RCAN1: variants seen among roughly 807,000 people sequenced by gnomAD.
RCAN1 encodes the protein calcipressin-1.
Under a neutral mutation model 22.9 loss-of-function variants are expected in RCAN1, and 11 were observed. The ratio of observed to expected loss-of-function variants is 0.48; its 90% CI spans 0.30 to 0.79. RCAN1 has a LOEUF of 0.79. Among genes scored for constraint, RCAN1 ranks in the 30% least tolerant of loss-of-function variants. The pLI, the probability that RCAN1 is intolerant of heterozygous loss-of-function variation, is 0.06. For synonymous variants in RCAN1, 136 were observed against 142.3 expected (o/e 0.96, Z 0.32); for missense variants, 291 against 337.8 (o/e 0.86, Z 1.09).
intron 1 of RCAN1, among the ~76,000 whole-genome samples, chr21:34,533,718 A>G (rs1456818198): frequency 1.3e-5 from 2 of 152,254 alleles, no homozygotes; most frequent in East Asian, 1.9e-4. Flanking sequence ...AGTGTGGGCA[A>G]CAGAGCAGCG....
At chr21:34,580,453 A>T (rs371987768) in intron 1 of RCAN1, among the ~76,000 whole-genome samples, 4 of 152,248 alleles carry the variant, frequency 2.6e-5, no homozygotes, top group East Asian at 3.9e-4. Context: ...TGAGTGAGGA[A>T]TGATCAGATC....
chr21:34,575,676 C>T (rs975517974), intron 1 of RCAN1, among the ~76,000 whole-genome samples: 2 of 152,114 alleles, frequency 1.3e-5, no homozygotes, highest in African/African-American at 4.8e-5. Context: ...GTGTGTGCCA[C>T]CGTGCCAGGT....
rs1297292896 is a variant in RCAN1 at position 34,521,560 on chromosome 21, C to T, written c.525G>A (p.Val175=). 14 of 1,614,114 alleles carry T rather than the reference C, an allele frequency of 8.7e-6. No individual in the cohort carries two copies. Among genetic ancestry groups the T allele is most frequent in the Non-Finnish European group, 1.1e-5 (13 of 1,180,054 alleles). The change falls in exon 3 of 4, where the codon GTG becomes GTA. Residue 175 remains valine, a synonymous_variant. Coordinates refer to ENST00000313806, the MANE Select transcript of RCAN1 (RefSeq NM_004414.7). The part of the protein sequence containing the change: ...PASPPVGWKQ[V]EDATPVINYD... ...AGTTTATGACTGGGGTCGCATCTTC[C>T]ACTTGTTTCCATCCCACTGGCGGAG... is the stretch of plus-strand genomic sequence containing the variant.
intron 1 of RCAN1, among the ~76,000 whole-genome samples, chr21:34,573,241 C>G (rs1380651314): frequency 6.6e-6 from 1 of 151,966 alleles, no homozygotes; most frequent in African/African-American, 2.4e-5. Flanking sequence ...CTTTTTTTCT[C>G]GGTTCTTCTT....
intron 1 of RCAN1, among the ~76,000 whole-genome samples, chr21:34,586,234 T>C (rs1292815492): frequency 1.3e-5 from 2 of 152,212 alleles, no homozygotes; most frequent in Non-Finnish European, 2.9e-5. Flanking sequence ...CATCTATATA[T>C]GTTGTTGTTA....
chr21:34,611,405 G>C (rs1200635829), intron 1 of RCAN1, among the ~76,000 whole-genome samples: 1 of 152,100 alleles, frequency 6.6e-6, no homozygotes, highest in Non-Finnish European at 1.5e-5. Flanking sequence ...TATTGATCCT[G>C]AGCCAGCCAA....
At chr21:34,593,021 C>A (rs936934071) in intron 1 of RCAN1, among the ~76,000 whole-genome samples, 5 of 152,200 alleles carry the variant, frequency 3.3e-5, no homozygotes, top group Non-Finnish European at 5.9e-5. Flanking sequence ...TGTGTCAATG[C>A]AGTGCAGTAT....
chr21:34,600,888 G>A (rs1293102404), intron 1 of RCAN1, among the ~76,000 whole-genome samples: 4 of 152,128 alleles, frequency 2.6e-5, no homozygotes, highest in East Asian at 3.9e-4. Flanking sequence ...ATGGTGCTGC[G>A]GTATTCTGAA....
chr21:34,598,526 C>T (rs1355436561), intron 1 of RCAN1, among the ~76,000 whole-genome samples: 1 of 152,232 alleles, frequency 6.6e-6, no homozygotes, highest in Non-Finnish European at 1.5e-5. Context: ...TAACTCACTC[C>T]TCATACCAGA....
At chr21:34,559,349 A>G (rs1466943343) in intron 1 of RCAN1, 2 of 152,230 alleles carry the variant, frequency 1.3e-5, no homozygotes, top group African/African-American at 4.8e-5. Flanking sequence ...ATGAGTTCAG[A>G]TGAGTGCAAC....
chr21:34,527,159 G>A (rs989865956), intron 1 of RCAN1, among the ~76,000 whole-genome samples: 1 of 152,154 alleles, frequency 6.6e-6, no homozygotes, highest in African/African-American at 2.4e-5. Context: ...ACGCTCCTCG[G>A]CCGAATGGGA....
Position 34,615,003 on chromosome 21 carries a change from G to C in RCAN1, c.9C>G (p.Asp3Glu). Reference protein sequence around the residue: MEDGVAGPQLGAA... With the variant: MEEGVAGPQLGAA... The stretch of plus-strand genomic sequence containing the variant: ...CCCCGAGCTGGGGACCGGCCACGCC[G>C]TCCTCCATCCCCGCGCCCGCGCGAC... The change falls in exon 1 of 4, where the codon GAC becomes GAG. Residue 3 changes from aspartate (D) to glutamate (E), a missense_variant. Transcript: ENST00000313806. 2 of 1,079,108 alleles carry C rather than the reference G, an allele frequency of 1.9e-6. No individual in the cohort carries two copies. The highest frequency in any genetic ancestry group is 2.2e-6 in the Non-Finnish European group (2 of 894,498). The allele number at this position is 1,079,108 out of a possible 1,614,324, so 66.8% of individuals were successfully genotyped here.
chr21:34,524,958 C>T, intron 1 of RCAN1: 2 of 1,435,726 alleles, frequency 1.4e-6, no homozygotes, highest in South Asian at 2.9e-5. Context: ...TTTTGTGAAT[C>T]TTTTTACCAG....
Position 34,569,300 on chromosome 21 carries a change from A to G in RCAN1, c.252+45460T>C, listed in dbSNP as rs117077526. ...TTCCAGCACTAAACAGCAAGTGCAG[A>G]GAGAGAATTTTTTTAGACTATAGCT... is the stretch of plus-strand genomic sequence containing the variant. On this transcript the variant is annotated intron_variant, in intron 1 of 3. Transcript: ENST00000313806. 2.0e-4 allele frequency among the ~76,000 whole-genome samples: 30 copies of G among 152,352 alleles called. No homozygotes were observed. In the East Asian group the frequency reaches 5.6e-3, roughly 28 times the overall value.
intron 1 of RCAN1, chr21:34,613,682 T>C (rs1601231165): frequency 3.0e-6 from 4 of 1,327,182 alleles, no homozygotes; most frequent in South Asian, 3.9e-5. Context: ...TTCCTGACAA[T>C]TGCTGCTCTA....
intron 1 of RCAN1, among the ~76,000 whole-genome samples, chr21:34,536,804 G>T (rs1985692555): frequency 6.6e-6 from 1 of 152,212 alleles, no homozygotes; most frequent in Non-Finnish European, 1.5e-5. Flanking sequence ...GTTCTGAATG[G>T]CTTCGCTAAA....
intron 1 of RCAN1, among the ~76,000 whole-genome samples, chr21:34,533,940 C>T (rs557535039): frequency 1.3e-5 from 2 of 152,246 alleles, no homozygotes; most frequent in South Asian, 4.1e-4. Flanking sequence ...CAAGGAGGCT[C>T]AGGGTGGCTG....
intron 1 of RCAN1, among the ~76,000 whole-genome samples, chr21:34,541,125 G>A (rs899561459): frequency 1.3e-5 from 2 of 152,180 alleles, no homozygotes; most frequent in Non-Finnish European, 2.9e-5. Context: ...TGATGAGACT[G>A]CAGCTCCAGT....
Position 34,543,112 on chromosome 21 carries a change from A to C in RCAN1, c.253-19402T>G, listed in dbSNP as rs144710705. Among the ~76,000 whole-genome samples the C allele has an allele frequency of 8.9e-3, 1,363 of 152,330 alleles. 18 individuals are homozygous for C. The highest frequency in any genetic ancestry group is 0.03 in the African/African-American group (1,260 of 41,566). On this transcript the variant is annotated intron_variant, in intron 1 of 3. Coordinates refer to ENST00000313806, the MANE Select transcript of RCAN1 (RefSeq NM_004414.7). ...CTTGGTGCATAGGAAGTTTCCATGA[A>C]AGCGTTCACTGTTATGATCCACATA...
Sources: allele counts gnomAD v4.1 joint callset (sites outside exome capture counted in the v4.1 genomes callset), GRCh38; gene constraint gnomAD v4.1.1; transcripts MANE v1.5; gene names NCBI Gene and HGNC (gene_info 2026-07-23, HGNC 2026-07-21).